Variants in DAOA observed in about 807,000 individuals in gnomAD.
DAOA encodes the protein D-amino acid oxidase activator, also known as D-amino acid oxidase regulator.
In DAOA, 15 loss-of-function variants were observed where a neutral mutation model predicts 16.4. That is an observed-to-expected ratio of 0.91 (90% CI 0.61 to 1.41). The LOEUF (loss-of-function observed/expected upper bound fraction) is 1.41. Ranked by LOEUF, DAOA falls within the 40% of genes most tolerant of loss-of-function variation. The pLI is 0.00. For missense variants in DAOA, 230 were observed against 176.8 expected (o/e 1.30, Z -1.71); for synonymous variants, 75 against 59.1 (o/e 1.27, Z -1.23).
chr13:105,488,349 A>G (rs1035703633), intron 4 of DAOA, among the ~76,000 whole-genome samples: 3 of 152,212 alleles, frequency 2.0e-5, no homozygotes, highest in Admixed American at 6.5e-5. Flanking sequence ...TGAATGAAGC[A>G]AATCAAATTA....
At chr13:105,475,201 C>A in intron 4 of DAOA, 1 of 234,000 alleles carries the variant, frequency 4.3e-6, no homozygotes, top group Non-Finnish European at 7.0e-6. Flanking sequence ...TCCACTGTGG[C>A]TTTTACCATG....
chr13:105,484,768 C>T (rs1296073083), intron 4 of DAOA, among the ~76,000 whole-genome samples: 1 of 152,042 alleles, frequency 6.6e-6, no homozygotes, highest in Non-Finnish European at 1.5e-5. Context: ...CAGTTTATTT[C>T]CTCCTATACA....
chr13:105,489,074 G>A (rs1878331549), intron 4 of DAOA, among the ~76,000 whole-genome samples: 1 of 152,222 alleles, frequency 6.6e-6, no homozygotes, highest in East Asian at 1.9e-4. Flanking sequence ...CCCGGATACT[G>A]TGGGTAGTAC....
intron 3 of DAOA, chr13:105,467,520 C>G (rs1300764293): frequency 6.3e-6 from 1 of 158,242 alleles, no homozygotes; most frequent in East Asian, 1.9e-4. Context: ...TCTATAGGCG[C>G]AAACCCAAGC....
At chr13:105,481,601 C>T (rs1877750678) in intron 4 of DAOA, among the ~76,000 whole-genome samples, 1 of 152,152 alleles carries the variant, frequency 6.6e-6, no homozygotes, top group Admixed American at 6.5e-5. Flanking sequence ...ATATCCCACC[C>T]TTAGGATCCA....
At chr13:105,469,751 G>T (rs1414289917) in intron 3 of DAOA, among the ~76,000 whole-genome samples, 1 of 152,104 alleles carries the variant, frequency 6.6e-6, no homozygotes, top group African/African-American at 2.4e-5. Context: ...TCAAGAAAAA[G>T]AAAATGGTAT....
intron 4 of DAOA, among the ~76,000 whole-genome samples, chr13:105,483,618 A>C (rs1364353153): frequency 6.6e-6 from 1 of 152,112 alleles, no homozygotes; most frequent in Non-Finnish European, 1.5e-5. Context: ...GATATTGAGC[A>C]TCTTTTCATA....
At chr13:105,476,295 C>G (rs913787465) in intron 4 of DAOA, among the ~76,000 whole-genome samples, 2 of 151,996 alleles carry the variant, frequency 1.3e-5, no homozygotes, top group South Asian at 2.1e-4. Context: ...CCTTCTCCCT[C>G]TCAACTTCAG....
chr13:105,477,251 C>T (rs1262545638), intron 4 of DAOA: 2 of 152,152 alleles, frequency 1.3e-5, no homozygotes, highest in Non-Finnish European at 2.9e-5. Context: ...CACTGAGGCG[C>T]TTCAAGGCTG....
chr13:105,485,876 G>C (rs1291616878), intron 4 of DAOA, among the ~76,000 whole-genome samples: 1 of 152,208 alleles, frequency 6.6e-6, no homozygotes, highest in South Asian at 2.1e-4. Flanking sequence ...TTTAGAGAGA[G>C]CATGTCCTGC....
At chr13:105,468,970 A>G (rs1238460013) in intron 3 of DAOA, among the ~76,000 whole-genome samples, 1 of 152,240 alleles carries the variant, frequency 6.6e-6, no homozygotes, top group Non-Finnish European at 1.5e-5. Context: ...GGAATAGCAG[A>G]ATAATTTTTC....
chr13:105,476,593 T>TA (rs1259932981), intron 4 of DAOA, among the ~76,000 whole-genome samples: 2 of 151,310 alleles, frequency 1.3e-5, no homozygotes, highest in East Asian at 3.9e-4. Flanking sequence ...GATGTGGGTG[T>TA]AAAAAATGAG....
In DAOA at chr13:105,490,914, G is replaced by T. The variant is rs970186812; in HGVS notation, c.*114G>T. ...TTGTTTTGTTTCCTTGTTTTTAGGT[G>T]ATGGGATTGTATTTGCAACTCTCTG... On this transcript the variant is annotated splice_region_variant and 3_prime_UTR_variant, in exon 6 of 6. Transcript: ENST00000375936. 1.3e-5 allele frequency: 2 copies of T among 152,014 alleles called. No individual in the cohort carries two copies. Among genetic ancestry groups the T allele is most frequent in the Non-Finnish European group, 2.9e-5 (2 of 67,984 alleles). The allele number at this position is 152,014 out of a possible 1,614,324, so 9.4% of individuals were successfully genotyped here. A position where few individuals can be genotyped will look rare whatever the true frequency, so the allele number is the denominator to read the frequency against.
At chr13:105,472,340 C>T (rs1387933484) in intron 3 of DAOA, among the ~76,000 whole-genome samples, 198 bp from the exon 4 acceptor site, 1 of 152,178 alleles carries the variant, frequency 6.6e-6, no homozygotes, top group Admixed American at 6.5e-5. Context: ...TGGGCTTAAT[C>T]TCAAAACACA....
chr13:105,486,389 C>T (rs768639856), intron 4 of DAOA, among the ~76,000 whole-genome samples: 1 of 152,044 alleles, frequency 6.6e-6, no homozygotes. Flanking sequence ...CTTCAGATGC[C>T]ACTGCCTCAG....
chr13:105,468,357 A>C (rs80096290), intron 3 of DAOA, among the ~76,000 whole-genome samples: 6,105 of 152,224 alleles, frequency 0.04, 146 homozygotes, highest in East Asian at 0.067. Context: ...TAAAACATTG[A>C]TTTTCATAAG....
chr13:105,471,836 G>A (rs1333739006), intron 3 of DAOA, among the ~76,000 whole-genome samples: 1 of 152,164 alleles, frequency 6.6e-6, no homozygotes, highest in African/African-American at 2.4e-5. Flanking sequence ...TTGCAAAATA[G>A]CTCAAAGATG....
chr13:105,473,499 T>C (rs1355072419), intron 4 of DAOA, among the ~76,000 whole-genome samples: 3 of 152,126 alleles, frequency 2.0e-5, no homozygotes, highest in Non-Finnish European at 4.4e-5. Flanking sequence ...CTGAAAATAA[T>C]GTTTAACCAA....
At chr13:105,489,741 C>T in intron 4 of DAOA, 160 bp from the exon 5 acceptor site, 1 of 1,497,256 alleles carries the variant, frequency 6.7e-7, no homozygotes, top group Non-Finnish European at 9.0e-7. Context: ...ATAATCTTGA[C>T]TTCTTGGTGG....
Sources: allele counts gnomAD v4.1 joint callset (sites outside exome capture counted in the v4.1 genomes callset), GRCh38; gene constraint gnomAD v4.1.1; transcripts MANE v1.5; gene names NCBI Gene and HGNC (gene_info 2026-07-23, HGNC 2026-07-21).